Variants in SLC35F2 observed in about 807,000 individuals in gnomAD.
SLC35F2 encodes queuine/queuosine transporter SLC35F2.
A neutral mutation model predicts 38.1 loss-of-function variants in SLC35F2; 25 were observed. The ratio of observed to expected loss-of-function variants is 0.66; its 90% CI spans 0.48 to 0.92. SLC35F2 has a LOEUF of 0.92. Among genes scored for constraint, SLC35F2 ranks in the 40% least tolerant of loss-of-function variants. The probability of loss-of-function intolerance (pLI) is 0.00; values close to 1 mark genes in which losing one functional copy is unlikely to be tolerated. For synonymous variants in SLC35F2, 173 were observed against 181.7 expected (o/e 0.95, Z 0.38); for missense variants, 409 against 452.9 (o/e 0.90, Z 0.88).
At chr11:107,799,891 T>G (rs77751498) in intron 7 of SLC35F2, among the ~76,000 whole-genome samples, 7,898 of 83,342 alleles carry the variant, frequency 0.095, 254 homozygotes, top group East Asian at 0.27. Context: ...TTGTTTGTTT[T>G]TGTTTTTTTT....
chr11:107,793,101 G>A (rs1466244424), intron 7 of SLC35F2, among the ~76,000 whole-genome samples: 1 of 123,660 alleles, frequency 8.1e-6, no homozygotes, highest in Non-Finnish European at 2.0e-5. Context: ...GTTTTCTGTA[G>A]AGACGGGGTT....
intron 1 of SLC35F2, among the ~76,000 whole-genome samples, chr11:107,842,464 A>T (rs1236623621): frequency 6.6e-6 from 1 of 151,534 alleles, no homozygotes; most frequent in Non-Finnish European, 1.5e-5. Flanking sequence ...AGCAGTTCTC[A>T]TGCCTCAGCC....
At chr11:107,844,366 G>A (rs1425930356) in intron 1 of SLC35F2, among the ~76,000 whole-genome samples, 2 of 152,088 alleles carry the variant, frequency 1.3e-5, no homozygotes, top group African/African-American at 4.8e-5. Flanking sequence ...GGTGGCTCCC[G>A]CCTATAATCC....
At chr11:107,813,056 G>A (rs1216209208) in intron 2 of SLC35F2, among the ~76,000 whole-genome samples, 1 of 152,140 alleles carries the variant, frequency 6.6e-6, no homozygotes, top group East Asian at 1.9e-4. Context: ...TATATGAGAA[G>A]GTTTTATGGC....
At chr11:107,807,369 G>C (rs925700385) in intron 3 of SLC35F2, among the ~76,000 whole-genome samples, 1 of 151,296 alleles carries the variant, frequency 6.6e-6, no homozygotes, top group Non-Finnish European at 1.5e-5. Flanking sequence ...AGGATCACTT[G>C]AGCCCGGAGT....
chr11:107,850,740 T>A (rs1051980620), intron 1 of SLC35F2, among the ~76,000 whole-genome samples: 2 of 150,172 alleles, frequency 1.3e-5, no homozygotes, highest in African/African-American at 4.9e-5. Flanking sequence ...GAGATTCGTT[T>A]GAACCAAGAG....
intron 3 of SLC35F2, chr11:107,809,761 T>C (rs1365485275): frequency 1.0e-6 from 1 of 983,854 alleles, no homozygotes; most frequent in African/African-American, 1.7e-5. Context: ...GCGACATGGG[T>C]ATAAAAACAA....
In SLC35F2 at chr11:107,833,256, T is replaced by C. The variant is rs1044393583; in HGVS notation, c.111-17291A>G. 2.0e-5 allele frequency among the ~76,000 whole-genome samples: 3 copies of C among 152,084 alleles called. No homozygotes were observed. The East Asian group carries it at 5.8e-4, about 29-fold the overall frequency. ...AGTTGAAATGGCTGGATGCGGTGTC[T>C]CACGACTGTAATCCCAGCACTTTGG... On this transcript the variant is annotated intron_variant, in intron 1 of 7. Coordinates refer to ENST00000525815, the MANE Select transcript of SLC35F2 (RefSeq NM_017515.5).
intron 1 of SLC35F2, among the ~76,000 whole-genome samples, chr11:107,818,243 C>A (rs944250829): frequency 6.6e-6 from 1 of 151,756 alleles, no homozygotes; most frequent in East Asian, 1.9e-4. Context: ...ACCAGCTCGG[C>A]AACATGCCAA....
chr11:107,838,151 A>G (rs951672663), intron 1 of SLC35F2, among the ~76,000 whole-genome samples: 1 of 152,120 alleles, frequency 6.6e-6, no homozygotes, highest in East Asian at 1.9e-4. Context: ...CTGGAGACCA[A>G]CCCAAGCAGT....
chr11:107,850,975 C>T (rs556366761), intron 1 of SLC35F2, among the ~76,000 whole-genome samples: 190 of 152,136 alleles, frequency 1.2e-3, no homozygotes, highest in African/African-American at 4.3e-3. Flanking sequence ...TGGTGAAACC[C>T]TGTCTTTAGC....
chr11:107,808,355 TAAA>T (rs924000189), intron 3 of SLC35F2, among the ~76,000 whole-genome samples: 1 of 149,308 alleles, frequency 6.7e-6, no homozygotes, highest in African/African-American at 2.6e-5. Context: ...AGATAAAAGA[TAAA>T]AAAGAGAGTG....
At chr11:107,806,920 A>G in intron 3 of SLC35F2, 44 bp from the exon 4 acceptor site, 1 of 1,573,346 alleles carries the variant, frequency 6.4e-7, no homozygotes, top group Non-Finnish European at 8.7e-7. Flanking sequence ...ATCTCTCATT[A>G]GCTAAAAGAT....
intron 2 of SLC35F2, 60 bp downstream of exon 2, chr11:107,815,730 T>C: frequency 6.5e-7 from 1 of 1,532,108 alleles, no homozygotes; most frequent in Non-Finnish European, 8.8e-7. Flanking sequence ...GTGTCATACT[T>C]TTCTAGTAAT....
intron 3 of SLC35F2, chr11:107,809,768 A>T (rs1443460343): frequency 7.1e-6 from 7 of 984,552 alleles, no homozygotes; most frequent in Non-Finnish European, 8.4e-6. Context: ...GGGTATAAAA[A>T]CAAGTTAGAT....
At chr11:107,844,922 G>A (rs1264322697) in intron 1 of SLC35F2, among the ~76,000 whole-genome samples, 1 of 148,464 alleles carries the variant, frequency 6.7e-6, no homozygotes, top group Non-Finnish European at 1.5e-5. Context: ...CTTGCAGTGA[G>A]CCGAGATCAC....
At chr11:107,836,758 A>G (rs1859937730) in intron 1 of SLC35F2, among the ~76,000 whole-genome samples, 1 of 152,256 alleles carries the variant, frequency 6.6e-6, no homozygotes, top group African/African-American at 2.4e-5. Flanking sequence ...TCTGACCTAC[A>G]GAACAGTAAG....
At chr11:107,828,381 C>G (rs541153012) in intron 1 of SLC35F2, among the ~76,000 whole-genome samples, 45 of 149,284 alleles carry the variant, frequency 3.0e-4, no homozygotes, top group African/African-American at 1.0e-3. Flanking sequence ...TTGCAGTGAA[C>G]TGAGATCGCA....
At chr11:107,823,387 AT>A (rs1185686137) in intron 1 of SLC35F2, among the ~76,000 whole-genome samples, 2 of 152,180 alleles carry the variant, frequency 1.3e-5, no homozygotes, top group Non-Finnish European at 2.9e-5. Context: ...TAAAGGCAGG[AT>A]TTCATATTAG....
Sources: allele counts gnomAD v4.1 joint callset (sites outside exome capture counted in the v4.1 genomes callset), GRCh38; gene constraint gnomAD v4.1.1; transcripts MANE v1.5; gene names NCBI Gene and HGNC (gene_info 2026-07-23, HGNC 2026-07-21).